Variants in ATP13A2 observed in about 807,000 individuals in gnomAD.
The protein encoded by ATP13A2 is polyamine-transporting ATPase 13A2.
ATP13A2 carries 83 observed loss-of-function variants against 138.3 expected under a neutral mutation model. That is an observed-to-expected ratio of 0.60 (90% CI 0.50 to 0.72). The LOEUF (loss-of-function observed/expected upper bound fraction) is 0.72. ATP13A2 is among the 30% of genes least tolerant of loss of function. The pLI is 0.00. For missense variants in ATP13A2, 1,402 were observed against 1,606.4 expected (o/e 0.87, Z 2.17); for synonymous variants, 663 against 699.0 (o/e 0.95, Z 0.81).
At position 17,005,473 on chromosome 1, in the gene ATP13A2, CA is replaced by C. The variant is rs1557716354; in HGVS notation, c.188del (p.Leu63ArgfsTer30). 6.2e-7 allele frequency: 1 copy of C among 1,614,244 alleles called. No homozygotes were observed. Among genetic ancestry groups the C allele is most frequent in the Non-Finnish European group, 8.5e-7 (1 of 1,180,050 alleles). On this transcript the variant is annotated frameshift_variant, in exon 3 of 29. Coordinates refer to ENST00000326735, the MANE Select transcript of ATP13A2 (RefSeq NM_022089.4). LOFTEE classifies it high-confidence loss of function. Reference sequence around the variant, plus strand: ...CCCACAGGGGCTTCCAACGGAAGAGCAGCAAAGGGATCCCAGCCATCATCCA... The same window carrying C: ...CCCACAGGGGCTTCCAACGGAAGAGCGCAAAGGGATCCCAGCCATCATCCA... ...VVWMMAGIPL[L>X]LFRWKPLWGV...
rs1196381069 is a variant in ATP13A2 at position 17,005,720 on chromosome 1, T to C, written c.69A>G (p.Thr23=). ...CTGAGGAGCTGAGGGGATCTATTGATGTCCCTATCGTCAGGGTCCCATAAC... is the reference window on the plus strand; with the variant it reads ...CTGAGGAGCTGAGGGGATCTATTGACGTCCCTATCGTCAGGGTCCCATAAC... ...PTGYGTLTIG[T]SIDPLSSSVS... Residue 23 remains threonine, a synonymous_variant, in exon 2 of 29, where the codon ACA becomes ACG. Transcript: ENST00000326735. 5 of 1,613,722 alleles carry C rather than the reference T, an allele frequency of 3.1e-6. No individual in the cohort carries two copies. In the East Asian group the frequency reaches 6.7e-5, roughly 22 times the overall value.
intron 15 of ATP13A2, among the ~76,000 whole-genome samples, chr1:16,994,184 G>GCGCTCTCTCTCTCT (rs1553167828): frequency 4.7e-5 from 7 of 148,400 alleles, no homozygotes; most frequent in African/African-American, 1.7e-4. Flanking sequence ...CGGTTGGCTC[G>GCGCTCTCTCTCTCT]CTCTCTCTCT....
Position 16,988,159 on chromosome 1 carries a change from G to A in ATP13A2, c.2838C>T (p.Ile946=), listed in dbSNP as rs2076800850. 1 of 1,614,000 alleles carries A rather than the reference G, an allele frequency of 6.2e-7. No homozygotes were observed. The highest frequency in any genetic ancestry group is 8.5e-7 in the Non-Finnish European group (1 of 1,179,976). Reference sequence around the variant, plus strand: ...TCACCGTGTAGAGGATCAGGACGGAGATGAACTGGGTCAGGCTGTACAGAG... The same window carrying A: ...TCACCGTGTAGAGGATCAGGACGGAAATGAACTGGGTCAGGCTGTACAGAG... ...YMALYSLTQF[I]SVLILYTINT... Residue 946 remains isoleucine (I), a synonymous_variant, in exon 25 of 29, where the codon ATC becomes ATT. Transcript: ENST00000326735.
Position 16,986,866 on chromosome 1 carries a change from G to A in ATP13A2, c.3174C>T (p.Tyr1058=), listed in dbSNP as rs777045615. The A allele has an allele frequency of 9.3e-6, 15 of 1,613,974 alleles. No homozygotes were observed. Among genetic ancestry groups the A allele is most frequent in the Admixed American group, 1.7e-5 (1 of 59,994 alleles). Residue 1058 remains tyrosine (Y), a synonymous_variant, in exon 27 of 29, where the codon TAC becomes TAT. Transcript: ENST00000326735. The surrounding 1 kb of genome is among the most constrained non-coding windows in gnomAD (Gnocchi z 6.9). ...TVVFSLSSFQ[Y]LILAAAVSKG... ...TGGACACGGCTGCAGCCAGGATGAG[G>A]TACTGGAAGCTGGACAGAGAGAAGA...
At position 16,997,274 on chromosome 1, in the gene ATP13A2, G is replaced by C. The variant is rs1215931703; in HGVS notation, c.1040-99C>G. ...ATTGTCCCACAAGCTCTAAGTCTCAGTTAACTCTGTAACCAGGTGTGAACA... is the reference window on the plus strand; with the variant it reads ...ATTGTCCCACAAGCTCTAAGTCTCACTTAACTCTGTAACCAGGTGTGAACA... On this transcript the variant is annotated intron_variant, in intron 11 of 28. Coordinates refer to ENST00000326735, the MANE Select transcript of ATP13A2 (RefSeq NM_022089.4). 5 of 1,430,134 alleles carry C rather than the reference G, an allele frequency of 3.5e-6. No homozygotes were observed. In the East Asian group the frequency reaches 9.4e-5, roughly 27 times the overall value. 88.6% of individuals were successfully genotyped at this position (1,430,134 alleles called of 1,614,324 possible). A position where few individuals can be genotyped will look rare whatever the true frequency, so the allele number is the denominator to read the frequency against.
In ATP13A2 at chr1:16,995,891, TGA is replaced by T. The variant is rs2077101053; in HGVS notation, c.1542+83_1542+84del. On this transcript the variant is annotated intron_variant, in intron 15 of 28. Coordinates refer to ENST00000326735, the MANE Select transcript of ATP13A2 (RefSeq NM_022089.4). The surrounding 1 kb of genome is among the most constrained non-coding windows in gnomAD (Gnocchi z 4.1). ...GGACCTGGCATCCTGTGGGTGCTGC[TGA>T]GAGAATAACGCGGGTGTGGAGGCCT... is the stretch of plus-strand genomic sequence containing the variant. The T allele has an allele frequency of 6.5e-7, 1 of 1,532,640 alleles. No individual in the cohort carries two copies. The highest frequency in any genetic ancestry group is 1.4e-5 in the African/African-American group (1 of 73,212). 94.9% of individuals were successfully genotyped at this position (1,532,640 alleles called of 1,614,324 possible).
In ATP13A2 at chr1:16,996,110, GCAC is replaced by G; in HGVS notation, c.1405_1407del (p.Val469del). On this transcript the variant is annotated inframe_deletion, in exon 15 of 29. Coordinates refer to ENST00000326735, the MANE Select transcript of ATP13A2 (RefSeq NM_022089.4). ...GTCATGGCAGCAGGCAGGGCAGGTG[GCAC>G]CACCACGGTCACCAGGTCGAGAGCC... The G allele has an allele frequency of 6.2e-7, 1 of 1,614,064 alleles. No homozygotes were observed. The highest frequency in any genetic ancestry group is 1.3e-5 in the African/African-American group (1 of 75,058).
intron 1 of ATP13A2, among the ~76,000 whole-genome samples, chr1:17,006,526 C>T (rs1249300818): frequency 2.6e-5 from 4 of 152,126 alleles, no homozygotes; most frequent in Non-Finnish European, 5.9e-5. Context: ...GCTGGGATTA[C>T]AGGCATGAGC....
intron 6 of ATP13A2, 24 bp from the exon 7 acceptor site, chr1:17,002,397 C>T (rs370074479): frequency 6.4e-5 from 103 of 1,609,140 alleles, no homozygotes; most frequent in South Asian, 3.7e-4. Context: ...CGAGGGGACA[C>T]GCATGGGCCA....
intron 1 of ATP13A2, among the ~76,000 whole-genome samples, chr1:17,008,401 T>C (rs113253844): frequency 6.6e-6 from 1 of 152,316 alleles, no homozygotes; most frequent in African/African-American, 2.4e-5. Context: ...GCAAGTGCCT[T>C]TGCCTCTCTG....
In ATP13A2 at chr1:16,986,657, C is replaced by A. The variant is rs1156571836; in HGVS notation, c.3236-25G>T. 5 of 1,594,522 alleles carry A rather than the reference C, an allele frequency of 3.1e-6. No homozygotes were observed. Among genetic ancestry groups the A allele is most frequent in the Non-Finnish European group, 1.7e-6 (2 of 1,173,790 alleles). Reference sequence around the variant, plus strand: ...ACTGGGAGCAGGAGAGTCTCTCAGGCAGGAGCCACGCCCCCCCGGCACCCA... The same window carrying A: ...ACTGGGAGCAGGAGAGTCTCTCAGGAAGGAGCCACGCCCCCCCGGCACCCA... On this transcript the variant is annotated intron_variant, in intron 27 of 28. Coordinates refer to ENST00000326735, the MANE Select transcript of ATP13A2 (RefSeq NM_022089.4). This position sits in a 1 kb window ranked among gnomAD's most constrained non-coding sequence, Gnocchi z 6.9.
At chr1:17,001,982 G>A in intron 8 of ATP13A2, 52 bp downstream of exon 8, 2 of 1,570,762 alleles carry the variant, frequency 1.3e-6, no homozygotes. Flanking sequence ...CCTGGGCCAA[G>A]GTCACACAGC....
At chr1:17,000,194 GC>G (rs772136381) in intron 10 of ATP13A2, 51 bp downstream of exon 10, 6 of 1,571,344 alleles carry the variant, frequency 3.8e-6, no homozygotes, top group African/African-American at 1.4e-5. Flanking sequence ...CCCCAGCCAT[GC>G]CCCCCCACCC....
intron 6 of ATP13A2, among the ~76,000 whole-genome samples, chr1:17,003,951 C>A (rs1327739050): frequency 6.6e-6 from 1 of 152,070 alleles, no homozygotes; most frequent in Non-Finnish European, 1.5e-5. Context: ...GGTGAGCCAC[C>A]GCACCCAGCC....
chr1:16,988,835 T>C (rs2076824925), intron 23 of ATP13A2, among the ~76,000 whole-genome samples: 1 of 152,110 alleles, frequency 6.6e-6, no homozygotes, highest in Non-Finnish European at 1.5e-5. Flanking sequence ...GGTTTCACCA[T>C]GTTGGCCAGG....
In ATP13A2 at chr1:16,991,991, G is replaced by A; in HGVS notation, c.2126+18C>T. On this transcript the variant is annotated intron_variant, in intron 19 of 28. Transcript: ENST00000326735. ...TCTGCCTAGTCCTCAGAGTGGGTGG[G>A]ACAGGAGACAGGCCCACCTCGTCAG... is the stretch of plus-strand genomic sequence containing the variant. The A allele has an allele frequency of 6.2e-7, 1 of 1,611,004 alleles. No homozygotes were observed. Among genetic ancestry groups the A allele is most frequent in the South Asian group, 1.1e-5 (1 of 91,010 alleles).
chr1:16,988,217 A>G lies in ATP13A2; in HGVS notation c.2780T>C (p.Leu927Pro). 1 of 1,614,206 alleles carries G rather than the reference A, an allele frequency of 6.2e-7. No homozygotes were observed. The highest frequency in any genetic ancestry group is 1.1e-5 in the South Asian group (1 of 91,088). ...CTTGAAGACGCTGAACGAAGTGTCA[A>G]GGGAACAGCGCCCCTCCCTGGGTGG... ...PMVIREGRCS[L>P]DTSFSVFKYM... The change falls in exon 25 of 29, where the codon CTT becomes CCT. Residue 927 changes from leucine to proline, a missense_variant. Coordinates refer to ENST00000326735, the MANE Select transcript of ATP13A2 (RefSeq NM_022089.4).
At position 16,997,144 on chromosome 1, in the gene ATP13A2, C is replaced by T; in HGVS notation, c.1071G>A (p.Leu357=). Residue 357 remains leucine, a synonymous_variant, in exon 12 of 29, where the codon CTG becomes CTA. Coordinates refer to ENST00000326735, the MANE Select transcript of ATP13A2 (RefSeq NM_022089.4). ...GESIPVLKTA[L]PEGLGPYCAE... ...CACAGTAGGGCCCCAGCCCCTCCGGCAGTGCCGTCTTCAGCACTGGAATGC... is the reference window on the plus strand; with the variant it reads ...CACAGTAGGGCCCCAGCCCCTCCGGTAGTGCCGTCTTCAGCACTGGAATGC... 1 of 1,613,702 alleles carries T rather than the reference C, an allele frequency of 6.2e-7. No individual in the cohort carries two copies. The highest frequency in any genetic ancestry group is 8.5e-7 in the Non-Finnish European group (1 of 1,180,034).
chr1:17,007,465 G>A (rs2077601073), intron 1 of ATP13A2, among the ~76,000 whole-genome samples: 1 of 152,104 alleles, frequency 6.6e-6, no homozygotes, highest in Non-Finnish European at 1.5e-5. Context: ...CACTAAGCTG[G>A]AAAAGCTGGG....
Sources: allele counts gnomAD v4.1 joint callset (sites outside exome capture counted in the v4.1 genomes callset), GRCh38; gene constraint gnomAD v4.1.1; non-coding constraint Gnocchi (gnomAD v3.1); transcripts MANE v1.5; gene names NCBI Gene and HGNC (gene_info 2026-07-23, HGNC 2026-07-21).